GPCPD1: variants seen among roughly 807,000 people sequenced by gnomAD.
The protein encoded by GPCPD1 is glycerophosphocholine phosphodiesterase GPCPD1.
Under a neutral mutation model 89.2 loss-of-function variants are expected in GPCPD1, and 29 were observed. That is an observed-to-expected ratio of 0.33 (90% confidence interval 0.24 to 0.44). The LOEUF (loss-of-function observed/expected upper bound fraction) is 0.44. GPCPD1 is among the 20% of genes least tolerant of loss of function. GPCPD1 has a pLI of 1.00. For missense variants in GPCPD1, 594 were observed against 808.9 expected, an observed-to-expected ratio of 0.73 and a Z score of 3.22; for synonymous variants, 258 against 266.3, an observed-to-expected ratio of 0.97 and a Z score of 0.30.
In GPCPD1 at chr20:5,567,570, A is replaced by C; in HGVS notation, c.1150-10T>G. 1 of 1,550,044 alleles carries C rather than the reference A, an allele frequency of 6.5e-7. No homozygotes were observed. Among genetic ancestry groups the C allele is most frequent in the South Asian group, 1.2e-5 (1 of 81,268 alleles). On this transcript the variant is annotated splice_polypyrimidine_tract_variant and intron_variant, in intron 12 of 19. Transcript: ENST00000379019. ...GATCAGCATCAAATTTCTAAAAAAA[A>C]AAAAAAAAGAAAGAAAGAAAAAGAA...
chr20:5,584,264 A>C lies in GPCPD1; in HGVS notation c.349+17T>G, dbSNP rs747559819. 21 of 1,195,750 alleles carry C rather than the reference A, an allele frequency of 1.8e-5. No individual in the cohort carries two copies. The highest frequency in any genetic ancestry group is 1.9e-4 in the Middle Eastern group (1 of 5,278). 74.1% of individuals were successfully genotyped at this position (1,195,750 alleles called of 1,614,324 possible). ...CAATCATTTCAGTAAACATTTAAGTAAGTCAGTCTCACTTACTGTGGATTC... is the reference window on the plus strand; with the variant it reads ...CAATCATTTCAGTAAACATTTAAGTCAGTCAGTCTCACTTACTGTGGATTC... On this transcript the variant is annotated intron_variant, in intron 6 of 19. Coordinates refer to ENST00000379019, the MANE Select transcript of GPCPD1 (RefSeq NM_019593.5).
chr20:5,583,976 T>G (rs1978734851), intron 6 of GPCPD1, among the ~76,000 whole-genome samples: 1 of 152,196 alleles, frequency 6.6e-6, no homozygotes, highest in Admixed American at 6.5e-5. Flanking sequence ...TAGGGATTTG[T>G]TTTTTGGATC....
chr20:5,558,946 T>A, intron 17 of GPCPD1, 127 bp from the exon 18 acceptor site: 1 of 659,800 alleles, frequency 1.5e-6, no homozygotes. Context: ...CTCACACCTG[T>A]AATCCCAACA....
chr20:5,577,749 C>A (rs567430403), intron 8 of GPCPD1, among the ~76,000 whole-genome samples: 2 of 152,106 alleles, frequency 1.3e-5, no homozygotes, highest in East Asian at 3.9e-4. Context: ...AAGGAAACCA[C>A]TACATACCAC....
At chr20:5,596,758 A>C (rs1342652251) in intron 3 of GPCPD1, among the ~76,000 whole-genome samples, 1 of 152,236 alleles carries the variant, frequency 6.6e-6, no homozygotes, top group Non-Finnish European at 1.5e-5. Flanking sequence ...GATGCAGAGC[A>C]CATTAAAATT....
intron 4 of GPCPD1, among the ~76,000 whole-genome samples, chr20:5,588,255 A>G (rs1005297805): frequency 1.2e-4 from 18 of 152,266 alleles, no homozygotes; most frequent in African/African-American, 4.3e-4. Context: ...CTATAATCCC[A>G]GCGCTTTGGG....
Position 5,546,431 on chromosome 20 carries a change from C to T in GPCPD1, c.*1230G>A, listed in dbSNP as rs930075376. On this transcript the variant is annotated 3_prime_UTR_variant, in exon 20 of 20. Coordinates refer to ENST00000379019, the MANE Select transcript of GPCPD1 (RefSeq NM_019593.5). ...CTTGTCATATTATAAAACCATTCTACAAAAGTAACACCTTCTTGAAATTTC... is the reference window on the plus strand; with the variant it reads ...CTTGTCATATTATAAAACCATTCTATAAAAGTAACACCTTCTTGAAATTTC... 2 of 152,172 alleles carry T rather than the reference C, an allele frequency of 1.3e-5. No individual in the cohort carries two copies. Among genetic ancestry groups the T allele is most frequent in the Non-Finnish European group, 2.9e-5 (2 of 68,028 alleles). The allele number at this position is 152,172 out of a possible 1,614,324, so 9.4% of individuals were successfully genotyped here. A position where few individuals can be genotyped will look rare whatever the true frequency, so the allele number is the denominator to read the frequency against.
rs776878778 is a variant in GPCPD1, at chr20:5,575,838, C to T, written c.846G>A (p.Arg282=). 14 of 1,610,222 alleles carry T rather than the reference C, an allele frequency of 8.7e-6. No homozygotes were observed. The South Asian group carries it at 1.5e-4, about 18-fold the overall frequency. ...LTLPIMSRNS[R]KTIGKVRVDY... ...TACCTCTCACTTTGCCTATTGTTTT[C>T]CGGGAATTTCTGCTCATGATGGGAA... Residue 282 remains arginine (R), a synonymous_variant, in exon 9 of 20, where the codon CGG becomes CGA. Coordinates refer to ENST00000379019, the MANE Select transcript of GPCPD1 (RefSeq NM_019593.5).
intron 11 of GPCPD1, among the ~76,000 whole-genome samples, chr20:5,570,646 G>C (rs141582838): frequency 1.3e-5 from 2 of 152,280 alleles, no homozygotes; most frequent in African/African-American, 4.8e-5. Flanking sequence ...GTGAGGGAAG[G>C]AATAAGCTGC....
intron 19 of GPCPD1, 35 bp from the exon 20 acceptor site, chr20:5,547,885 T>A: frequency 1.7e-6 from 2 of 1,197,512 alleles, no homozygotes; most frequent in Non-Finnish European, 2.4e-6. Flanking sequence ...CATAAAATAC[T>A]GTAATTTTAT....
At chr20:5,569,115 C>G (rs1331709431) in intron 12 of GPCPD1, among the ~76,000 whole-genome samples, 1 of 151,738 alleles carries the variant, frequency 6.6e-6, no homozygotes, top group African/African-American at 2.4e-5. Context: ...CTCCCCTCCC[C>G]TTCCTTCCTT....
intron 1 of GPCPD1, among the ~76,000 whole-genome samples, chr20:5,609,116 A>T (rs2122839716): frequency 6.6e-6 from 1 of 152,334 alleles, no homozygotes; most frequent in Admixed American, 6.5e-5. Flanking sequence ...TTGAAGTCAG[A>T]TATTTTTAGC....
chr20:5,547,999 T>C (rs1010005895), intron 19 of GPCPD1, 149 bp from the exon 20 acceptor site: 29 of 475,536 alleles, frequency 6.1e-5, no homozygotes, highest in South Asian at 4.4e-4. Flanking sequence ...AAGATGAAAG[T>C]ATCCATTCTC....
At chr20:5,553,511 G>A (rs1197658923) in intron 19 of GPCPD1, among the ~76,000 whole-genome samples, 1 of 152,178 alleles carries the variant, frequency 6.6e-6, no homozygotes, top group African/African-American at 2.4e-5. Context: ...AGATTAGTGA[G>A]GAAGGCATGT....
chr20:5,577,065 GTTTTT>G (rs35980274), intron 8 of GPCPD1, among the ~76,000 whole-genome samples: 1 of 113,878 alleles, frequency 8.8e-6, no homozygotes, highest in African/African-American at 3.5e-5. Flanking sequence ...TTTTTTTTTT[GTTTTT>G]TTTTTTTTTT....
At chr20:5,576,822 A>G (rs755806968) in intron 8 of GPCPD1, among the ~76,000 whole-genome samples, 12 of 152,146 alleles carry the variant, frequency 7.9e-5, no homozygotes, top group Non-Finnish European at 1.5e-5. Context: ...ACAAAACACT[A>G]TTACAAAAAA....
chr20:5,582,186 C>CAAAAAAAAAAAAA (rs1164754193), intron 6 of GPCPD1, among the ~76,000 whole-genome samples: 1 of 36,280 alleles, frequency 2.8e-5, no homozygotes, highest in African/African-American at 1.1e-4. Flanking sequence ...ACTCCCGTCT[C>CAAAAAAAAAAAAA]AAAAAAAAAA....
intron 10 of GPCPD1, among the ~76,000 whole-genome samples, chr20:5,574,495 G>A (rs1276054786): frequency 1.3e-5 from 2 of 152,208 alleles, no homozygotes; most frequent in African/African-American, 4.8e-5. Context: ...AGCACTTTGG[G>A]AGGCTGAGGC....
intron 12 of GPCPD1, among the ~76,000 whole-genome samples, chr20:5,568,220 A>AATATACTTAGTGTATATATAT (rs1986501616): frequency 2.2e-5 from 3 of 136,966 alleles, no homozygotes; most frequent in African/African-American, 9.2e-5. Flanking sequence ...CTGTCCAACA[A>AATATACTTAGTGTATATATAT]ATATACTTAG....
Sources: gnomAD v4.1 joint callset for allele counts (sites outside exome capture counted in the v4.1 genomes callset) on GRCh38, gnomAD v4.1.1 for gene constraint, MANE v1.5 for transcripts, NCBI Gene and HGNC (gene_info 2026-07-23, HGNC 2026-07-21) for gene names.